Variants in ARB2A observed in about 807,000 individuals in gnomAD.
ARB2A encodes the protein cotranscriptional regulator ARB2A.
the ARB2A span, among the ~76,000 whole-genome samples, chr5:93,785,657 C>G: frequency 7.2e-5 from 11 of 152,000 alleles, no homozygotes; most frequent in Non-Finnish European, 1.0e-4. Flanking sequence ...TAATGGGAAC[C>G]CAACTCACTG....
the ARB2A span, among the ~76,000 whole-genome samples, chr5:94,024,950 A>G: frequency 1.1e-4 from 16 of 152,324 alleles, no homozygotes; most frequent in South Asian, 3.3e-3. Flanking sequence ...GAAGCTGGAG[A>G]AATATAAAAG....
At chr5:93,885,250 A>G in the ARB2A span, among the ~76,000 whole-genome samples, 50 of 151,718 alleles carry the variant, frequency 3.3e-4, no homozygotes, top group South Asian at 8.3e-4. Flanking sequence ...AAACTACACT[A>G]TAATATCAGG....
At chr5:93,900,637 A>G in the ARB2A span, among the ~76,000 whole-genome samples, 3 of 151,560 alleles carry the variant, frequency 2.0e-5, no homozygotes. Flanking sequence ...AAAAAAGGTA[A>G]TATGTGATTC....
chr5:93,728,785 A>AT, the ARB2A span, among the ~76,000 whole-genome samples: 1 of 152,140 alleles, frequency 6.6e-6, no homozygotes, highest in African/African-American at 2.4e-5. Flanking sequence ...TCACAGGAAG[A>AT]ATTATTTTTT....
At chr5:93,654,357 C>T in the ARB2A span, among the ~76,000 whole-genome samples, 1 of 152,120 alleles carries the variant, frequency 6.6e-6, no homozygotes, top group Non-Finnish European at 1.5e-5. Flanking sequence ...CTATGCCATA[C>T]TGTAAGGGAG....
chr5:93,912,742 C>T, the ARB2A span, among the ~76,000 whole-genome samples: 1 of 151,722 alleles, frequency 6.6e-6, no homozygotes, highest in Non-Finnish European at 1.5e-5. Context: ...CTTTCAAGTG[C>T]CTCACAAGAA....
the ARB2A span, among the ~76,000 whole-genome samples, chr5:94,100,593 T>C: frequency 2.0e-5 from 3 of 151,914 alleles, no homozygotes; most frequent in Non-Finnish European, 4.4e-5. Flanking sequence ...AACCAGCATA[T>C]AGACCAATAG....
the ARB2A span, among the ~76,000 whole-genome samples, chr5:94,095,722 C>T: frequency 2.0e-5 from 3 of 151,990 alleles, no homozygotes; most frequent in African/African-American, 7.3e-5. Context: ...TATCATAATA[C>T]AAAACATTAT....
the ARB2A span, among the ~76,000 whole-genome samples, chr5:93,898,825 T>C: frequency 6.6e-6 from 1 of 152,092 alleles, no homozygotes; most frequent in Admixed American, 6.6e-5. Context: ...TAACAATAGC[T>C]AGCACTTACT....
At chr5:94,088,694 T>C in the ARB2A span, among the ~76,000 whole-genome samples, 3 of 152,090 alleles carry the variant, frequency 2.0e-5, no homozygotes, top group African/African-American at 4.8e-5. Flanking sequence ...AAATGTAAAA[T>C]AAAATAAAAG....
the ARB2A span, among the ~76,000 whole-genome samples, chr5:93,902,862 C>G: frequency 3.3e-5 from 5 of 152,190 alleles, no homozygotes; most frequent in Admixed American, 2.6e-4. Flanking sequence ...ACCACCTGCC[C>G]AATCTTGCAG....
the ARB2A span, among the ~76,000 whole-genome samples, chr5:94,066,005 C>CA: frequency 1.0e-3 from 151 of 149,600 alleles, no homozygotes; most frequent in African/African-American, 3.4e-3. Context: ...CAAATTTTAC[C>CA]AAAAAAAAAT....
At chr5:93,741,991 G>A in the ARB2A span, among the ~76,000 whole-genome samples, 2 of 151,976 alleles carry the variant, frequency 1.3e-5, no homozygotes, top group Non-Finnish European at 2.9e-5. Flanking sequence ...TTGCTGGGAC[G>A]ACCCCTCAAT....
the ARB2A span, among the ~76,000 whole-genome samples, chr5:93,727,580 C>T: frequency 6.6e-6 from 1 of 151,854 alleles, no homozygotes; most frequent in African/African-American, 2.4e-5. Context: ...GGGTATATAC[C>T]TTCTGGCTCT....
the ARB2A span, among the ~76,000 whole-genome samples, chr5:94,105,060 G>T: frequency 5.3e-5 from 8 of 152,074 alleles, no homozygotes; most frequent in East Asian, 1.5e-3. Context: ...AAAAGCTAGA[G>T]ACATTTCCCT....
the ARB2A span, among the ~76,000 whole-genome samples, chr5:93,956,548 T>A: frequency 6.6e-6 from 1 of 152,180 alleles, no homozygotes; most frequent in South Asian, 2.1e-4. Flanking sequence ...AGTAGTGATA[T>A]GAAAACCCAC....
chr5:93,866,118 G>C, the ARB2A span: 3 of 985,252 alleles, frequency 3.0e-6, no homozygotes, highest in Non-Finnish European at 3.6e-6. Context: ...TAGGACCAAT[G>C]AAAAAAGAGG....
At chr5:93,673,560 T>C in the ARB2A span, among the ~76,000 whole-genome samples, 25 of 152,190 alleles carry the variant, frequency 1.6e-4, no homozygotes, top group African/African-American at 6.0e-4. Context: ...AAAGAATGTA[T>C]TTTGCAGTAA....
the ARB2A span, among the ~76,000 whole-genome samples, chr5:93,681,132 A>G: frequency 1.3e-5 from 2 of 152,094 alleles, no homozygotes; most frequent in Admixed American, 6.5e-5. Flanking sequence ...GTCAAGAAAA[A>G]AAAATCCCCC....
Sources: gnomAD v4.1 joint callset for allele counts (sites outside exome capture counted in the v4.1 genomes callset) on GRCh38, gnomAD v4.1.1 for gene constraint, MANE v1.5 for transcripts, NCBI Gene and HGNC (gene_info 2026-07-23, HGNC 2026-07-21) for gene names.